The following ALG12 variants were observed in gnomAD, a reference collection of about 807,000 sequenced individuals.
The protein encoded by ALG12 is dol-P-Man:Man(7)GlcNAc(2)-PP-Dol alpha-1,6-mannosyltransferase.
A neutral mutation model predicts 46.0 loss-of-function variants in ALG12; 36 were observed. The observed-to-expected ratio is 0.78, with a 90% CI of 0.60 to 1.03. ALG12 has a LOEUF of 1.03. Among genes scored for constraint, ALG12 ranks in the 50% least tolerant of loss-of-function variants. ALG12 has a pLI of 0.00. For missense variants in ALG12, 599 were observed against 633.5 expected, an observed-to-expected ratio of 0.95 and a Z score of 0.58; for synonymous variants, 326 against 291.6, an observed-to-expected ratio of 1.12 and a Z score of -1.20.
intron 7 of ALG12, among the ~76,000 whole-genome samples, chr22:49,904,738 T>A (rs1018062381): frequency 6.6e-6 from 1 of 152,074 alleles, no homozygotes; most frequent in South Asian, 2.1e-4. Flanking sequence ...GATGAGATTT[T>A]AAAATATATA....
At chr22:49,884,851 T>A in the ALG12 span, 1 of 1,610,546 alleles carries the variant, frequency 6.2e-7, no homozygotes, top group Non-Finnish European at 8.5e-7. Context: ...GACTGAGGAC[T>A]TGCAGTCTCA....
intron 1 of ALG12, among the ~76,000 whole-genome samples, chr22:49,915,923 A>C (rs1450244820): frequency 2.6e-5 from 4 of 151,298 alleles, no homozygotes; most frequent in Admixed American, 2.6e-4. Flanking sequence ...ATCGGTAAAA[A>C]CTCCTACATG....
chr22:49,899,961 C>A (rs940936451), downstream of ALG12, among the ~76,000 whole-genome samples: 2 of 152,110 alleles, frequency 1.3e-5, no homozygotes, highest in Non-Finnish European at 2.9e-5. Context: ...GAGTTCAAGA[C>A]CATCCTGGGC....
chr22:49,885,496 C>G, the ALG12 span: 7 of 1,611,530 alleles, frequency 4.3e-6, no homozygotes, highest in Non-Finnish European at 5.9e-6. Flanking sequence ...TAGCAACGTG[C>G]TGAAAACTGA....
chr22:49,908,551 A>G (rs1405398793), intron 6 of ALG12, among the ~76,000 whole-genome samples: 2 of 145,054 alleles, frequency 1.4e-5, no homozygotes, highest in Admixed American at 6.8e-5. Context: ...AAAAAACCAA[A>G]AAACAAAAAA....
chr22:49,910,626 A>C lies in ALG12; in HGVS notation c.296-19T>G, dbSNP rs757545642. On this transcript the variant is annotated intron_variant, in intron 3 of 9. Coordinates refer to ENST00000330817, the MANE Select transcript of ALG12 (RefSeq NM_024105.4). ...CCTCTAACTAAACAAAGACAGTGAC[A>C]GCACCTGAGCCTGCAGTGGAGGAGT... 2.4e-5 allele frequency: 38 copies of C among 1,613,856 alleles called. No homozygotes were observed. In the South Asian group the frequency reaches 3.4e-4, roughly 14 times the overall value.
chr22:49,889,603 T>A, the ALG12 span: 1 of 167,212 alleles, frequency 6.0e-6, no homozygotes, highest in Non-Finnish European at 1.5e-5. Context: ...ATATGGCCCT[T>A]CCTGAATGAC....
downstream of ALG12, among the ~76,000 whole-genome samples, chr22:49,899,127 A>G (rs951854511): frequency 2.0e-5 from 3 of 152,084 alleles, no homozygotes; most frequent in Non-Finnish European, 4.4e-5. Flanking sequence ...CCATTTCTAC[A>G]AAAAATACCA....
chr22:49,874,220 A>T, the ALG12 span, among the ~76,000 whole-genome samples: 1 of 152,160 alleles, frequency 6.6e-6, no homozygotes, highest in East Asian at 1.9e-4. Context: ...GTATGATGGG[A>T]GCTGCACTGT....
chr22:49,865,973 A>T, the ALG12 span, among the ~76,000 whole-genome samples: 1 of 150,846 alleles, frequency 6.6e-6, no homozygotes, highest in Non-Finnish European at 1.5e-5. Context: ...CCACCTCCCG[A>T]TGCTGATTAT....
Position 49,913,782 on chromosome 22 carries a change from C to T in ALG12, c.-17G>A, listed in dbSNP as rs941436214. On this transcript the variant is annotated 5_prime_UTR_variant, in exon 2 of 10. Coordinates refer to ENST00000330817, the MANE Select transcript of ALG12 (RefSeq NM_024105.4). ...TCCAGCCATTCCAGGCTTTCAGCTT[C>T]ACGTACCTTCACAGGCCAACAGTGC... 6 of 1,612,344 alleles carry T rather than the reference C, an allele frequency of 3.7e-6. No individual in the cohort carries two copies. The highest frequency in any genetic ancestry group is 2.2e-5 in the South Asian group (2 of 90,988).
the ALG12 span, chr22:49,886,403 T>C: frequency 1.2e-6 from 2 of 1,605,758 alleles, no homozygotes; most frequent in Admixed American, 1.7e-5. This position sits in a 1 kb window ranked among gnomAD's most constrained non-coding sequence, Gnocchi z 7.7. Context: ...GAGATGTCCG[T>C]CGAGTGTAAC....
the ALG12 span, chr22:49,883,904 A>G: frequency 6.2e-7 from 1 of 1,607,980 alleles, no homozygotes; most frequent in African/African-American, 1.3e-5. Context: ...GAGAGTGAGG[A>G]TGACTATGGC....
chr22:49,904,607 C>T (rs1312432101), intron 7 of ALG12, 101 bp from the exon 8 acceptor site: 3 of 1,356,098 alleles, frequency 2.2e-6, no homozygotes, highest in East Asian at 2.4e-5. Context: ...TTCAACTTCA[C>T]CAAGTCATAA....
intron 7 of ALG12, 196 bp from the exon 8 acceptor site, chr22:49,904,702 T>C (rs1292734856): frequency 3.2e-6 from 2 of 619,962 alleles, no homozygotes; most frequent in Non-Finnish European, 5.6e-6. Context: ...TGTGAAATTC[T>C]ACCCAAGATG....
chr22:49,897,770 C>T (rs1164325347), downstream of ALG12, among the ~76,000 whole-genome samples: 1 of 150,524 alleles, frequency 6.6e-6, no homozygotes, highest in Non-Finnish European at 1.5e-5. Context: ...ATTCTCTTGC[C>T]TCAGCCTCCC....
the ALG12 span, chr22:49,883,520 A>T: frequency 8.5e-7 from 1 of 1,176,422 alleles, no homozygotes; most frequent in Non-Finnish European, 1.2e-6. Context: ...AGTACTATTT[A>T]TGATTAGCCA....
chr22:49,868,491 AT>A, the ALG12 span, among the ~76,000 whole-genome samples: 1 of 152,066 alleles, frequency 6.6e-6, no homozygotes, highest in Non-Finnish European at 1.5e-5. Flanking sequence ...AGGTGGGAGG[AT>A]TACTTGAGCT....
At chr22:49,869,170 G>T in the ALG12 span, among the ~76,000 whole-genome samples, 3 of 151,756 alleles carry the variant, frequency 2.0e-5, no homozygotes, top group Admixed American at 2.0e-4. Context: ...GGGGATGCTC[G>T]GTCTTGTGAT....
Sources: allele counts gnomAD v4.1 joint callset (sites outside exome capture counted in the v4.1 genomes callset), GRCh38; gene constraint gnomAD v4.1.1; non-coding constraint Gnocchi (gnomAD v3.1); transcripts MANE v1.5; gene names NCBI Gene and HGNC (gene_info 2026-07-23, HGNC 2026-07-21).